Variants in EFHC2 observed in about 807,000 individuals in gnomAD.
The protein encoded by EFHC2 is EF-hand domain-containing family member C2.
In EFHC2, 18 loss-of-function variants were observed where a neutral mutation model predicts 52.7. The observed-to-expected ratio is 0.34, with a 90% confidence interval of 0.24 to 0.51. EFHC2 has a LOEUF of 0.51. Among genes scored for constraint, EFHC2 ranks in the 20% least tolerant of loss-of-function variants. EFHC2 has a pLI of 0.97. For missense variants in EFHC2, 513 were observed against 562.5 expected (o/e 0.91, Z 0.89); for synonymous variants, 203 against 204.1 (o/e 0.99, Z 0.04).
At chrX:44,301,323 T>G in intron 2 of EFHC2, among the ~76,000 whole-genome samples, 1 of 104,193 alleles carries the variant, frequency 9.6e-6, no homozygotes, top group East Asian at 3.0e-4. Flanking sequence ...TCCAACCCAC[T>G]CCCCCCCCGA....
intron 3 of EFHC2, among the ~76,000 whole-genome samples, chrX:44,270,564 G>A (rs1412833585): frequency 8.9e-6 from 1 of 111,829 alleles, no homozygotes; most frequent in Non-Finnish European, 1.9e-5. Flanking sequence ...GAAAGGGATG[G>A]AAAAACCAAA....
At chrX:44,223,709 A>G (rs2037211196) in intron 11 of EFHC2, among the ~76,000 whole-genome samples, 1 of 112,068 alleles carries the variant, frequency 8.9e-6, no homozygotes, top group South Asian at 3.7e-4. Flanking sequence ...TCAAAAACAT[A>G]TATGGAAATT....
chrX:44,314,662 TACC>T (rs1175946922), intron 1 of EFHC2, among the ~76,000 whole-genome samples: 2 of 111,189 alleles, frequency 1.8e-5, no homozygotes, highest in Non-Finnish European at 1.9e-5. Context: ...ACAATCAGAT[TACC>T]ACAAGTCAGT....
chrX:44,343,100 G>C (rs1398811707), intron 1 of EFHC2, among the ~76,000 whole-genome samples: 1 of 110,403 alleles, frequency 9.1e-6, no homozygotes, highest in Non-Finnish European at 1.9e-5. Context: ...TTAGGCTCCT[G>C]AGCTGTGGAG....
chrX:44,177,834 TG>T (rs1428386750), intron 12 of EFHC2, among the ~76,000 whole-genome samples: 2 of 110,501 alleles, frequency 1.8e-5, no homozygotes, highest in African/African-American at 6.6e-5. Flanking sequence ...ATGCTTCAGT[TG>T]AAAGCTTCTA....
chrX:44,170,038 C>T (rs1031338635), intron 13 of EFHC2, among the ~76,000 whole-genome samples: 3 of 111,406 alleles, frequency 2.7e-5, no homozygotes, highest in Non-Finnish European at 5.6e-5. Flanking sequence ...TGGCCAGAGA[C>T]TGCTGTTGTT....
At chrX:44,230,990 G>A (rs1389534885) in intron 10 of EFHC2, among the ~76,000 whole-genome samples, 1 of 111,866 alleles carries the variant, frequency 8.9e-6, no homozygotes, top group Admixed American at 9.5e-5. Context: ...CTATTAATGT[G>A]GAGTCAGGTT....
chrX:44,221,069 G>A (rs1315680024), intron 11 of EFHC2, among the ~76,000 whole-genome samples: 4 of 111,564 alleles, frequency 3.6e-5, no homozygotes, highest in African/African-American at 1.3e-4. Flanking sequence ...TGTCATTATT[G>A]GGCATCTTTT....
intron 8 of EFHC2, among the ~76,000 whole-genome samples, chrX:44,236,963 A>C (rs1325048961): frequency 2.7e-5 from 3 of 111,767 alleles, no homozygotes; most frequent in African/African-American, 9.7e-5. Flanking sequence ...ACTTCTTATA[A>C]TTTATAAGTG....
intron 9 of EFHC2, 100 bp from the exon 10 acceptor site, chrX:44,232,777 A>G: frequency 1.3e-6 from 1 of 741,064 alleles, no homozygotes; most frequent in South Asian, 3.5e-5. Context: ...ACCACCATAT[A>G]AGTTACCTGT....
At chrX:44,204,522 T>C (rs754174339) in intron 11 of EFHC2, among the ~76,000 whole-genome samples, 1 of 111,210 alleles carries the variant, frequency 9.0e-6, no homozygotes, top group African/African-American at 3.3e-5. Flanking sequence ...ATGAAATAGA[T>C]ATATTAAGAA....
chrX:44,173,838 C>T (rs963360280), intron 13 of EFHC2, among the ~76,000 whole-genome samples: 3 of 111,960 alleles, frequency 2.7e-5, no homozygotes, highest in African/African-American at 9.7e-5. Context: ...AGGATGATGA[C>T]TTGGTGGCCT....
intron 14 of EFHC2, 37 bp downstream of exon 14, chrX:44,163,885 A>C: frequency 1.1e-6 from 1 of 920,580 alleles, no homozygotes; most frequent in East Asian, 3.4e-5. Flanking sequence ...CAAGGGAAGT[A>C]ACCATAGATG....
chrX:44,192,942 A>G (rs1419676533), intron 11 of EFHC2, among the ~76,000 whole-genome samples: 2 of 110,764 alleles, frequency 1.8e-5, no homozygotes, highest in Non-Finnish European at 3.8e-5. Flanking sequence ...AACCAAGGGC[A>G]TTCCAAAGTT....
intron 2 of EFHC2, chrX:44,310,129 C>T: frequency 2.9e-6 from 2 of 694,458 alleles, no homozygotes; most frequent in Non-Finnish European, 4.7e-6. Flanking sequence ...TTCAGGGATT[C>T]CCAGTGCCGA....
intron 2 of EFHC2, among the ~76,000 whole-genome samples, chrX:44,300,230 A>G (rs896049287): frequency 9.8e-5 from 11 of 111,938 alleles, no homozygotes; most frequent in Non-Finnish European, 1.5e-4. Context: ...AATAGTGACT[A>G]TCAGTTTCTT....
At chrX:44,209,618 G>A (rs2037079242) in intron 11 of EFHC2, among the ~76,000 whole-genome samples, 1 of 109,538 alleles carries the variant, frequency 9.1e-6, no homozygotes, top group African/African-American at 3.3e-5. Context: ...GACACGAGAT[G>A]TGCAAGAACT....
At chrX:44,247,632 C>CA (rs1475364799) in intron 7 of EFHC2, among the ~76,000 whole-genome samples, 8 of 111,375 alleles carry the variant, frequency 7.2e-5, no homozygotes, top group Non-Finnish European at 1.3e-4. Flanking sequence ...CCAAGACACT[C>CA]ATAACACGGT....
At chrX:44,200,308 A>C (rs2036997162) in intron 11 of EFHC2, among the ~76,000 whole-genome samples, 1 of 111,859 alleles carries the variant, frequency 8.9e-6, no homozygotes, top group African/African-American at 3.2e-5. Context: ...AAAAGGAAAC[A>C]ATCCACCCTA....
Sources: gnomAD v4.1 joint callset for allele counts (sites outside exome capture counted in the v4.1 genomes callset) on GRCh38, gnomAD v4.1.1 for gene constraint, MANE v1.5 for transcripts, NCBI Gene and HGNC (gene_info 2026-07-23, HGNC 2026-07-21) for gene names.